TAX1BP1: variants seen among roughly 807,000 people sequenced by gnomAD.
TAX1BP1 encodes tax1-binding protein 1.
A neutral mutation model predicts 97.7 loss-of-function variants in TAX1BP1; 62 were observed. That is an observed-to-expected ratio of 0.63 (90% CI 0.52 to 0.78). The LOEUF is 0.78. Ranked by LOEUF, TAX1BP1 falls within the 30% of genes least tolerant of loss-of-function variation. The pLI, the probability that TAX1BP1 is intolerant of heterozygous loss-of-function variation, is 0.00. For synonymous variants in TAX1BP1, 340 were observed against 304.2 expected, an observed-to-expected ratio of 1.12 and a Z score of -1.23; for missense variants, 867 against 916.1, an observed-to-expected ratio of 0.95 and a Z score of 0.69.
chr7:27,828,587 A>G, intron 16 of TAX1BP1, 41 bp from the exon 17 acceptor site: 1 of 1,592,122 alleles, frequency 6.3e-7, no homozygotes, highest in East Asian at 2.2e-5. Context: ...GTTGTTCTAC[A>G]TTTATTAGAA....
At chr7:27,796,074 G>A (rs751778038) in intron 11 of TAX1BP1, 42 bp from the exon 12 acceptor site, 4 of 1,469,210 alleles carry the variant, frequency 2.7e-6, no homozygotes, top group Non-Finnish European at 3.8e-6. Context: ...AATATAAGGG[G>A]CAAAATACTT....
chr7:27,810,701 TCTAA>T (rs758336673), intron 13 of TAX1BP1, among the ~76,000 whole-genome samples: 5 of 152,128 alleles, frequency 3.3e-5, no homozygotes, highest in Non-Finnish European at 7.4e-5. Context: ...TATGTTGCTC[TCTAA>T]CTCCTGGGCT....
intron 13 of TAX1BP1, among the ~76,000 whole-genome samples, chr7:27,811,436 A>G (rs17155876): frequency 0.19 from 28,622 of 152,046 alleles, 2,956 homozygotes; most frequent in Admixed American, 0.25. Context: ...TACTTAGTCC[A>G]TTTATTGGAT....
intron 5 of TAX1BP1, among the ~76,000 whole-genome samples, chr7:27,773,356 T>C (rs998073144): frequency 6.6e-6 from 1 of 152,122 alleles, no homozygotes; most frequent in African/African-American, 2.4e-5. Flanking sequence ...TTAATGTATT[T>C]ACAAAATCAT....
intron 13 of TAX1BP1, among the ~76,000 whole-genome samples, chr7:27,812,778 G>A (rs1458129543): frequency 6.6e-6 from 1 of 152,032 alleles, no homozygotes; most frequent in Non-Finnish European, 1.5e-5. Context: ...TTTAAATGTT[G>A]AAAATACTCT....
intron 13 of TAX1BP1, chr7:27,803,290 T>C: frequency 4.7e-6 from 5 of 1,071,762 alleles, no homozygotes; most frequent in Non-Finnish European, 6.2e-6. Flanking sequence ...TGTTCAAATT[T>C]AGGAAAACAG....
chr7:27,791,111 A>G (rs750166156), intron 8 of TAX1BP1, among the ~76,000 whole-genome samples: 40 of 152,184 alleles, frequency 2.6e-4, no homozygotes, highest in Non-Finnish European at 4.6e-4. Context: ...CTCCTTTGAC[A>G]TATAGAAGTT....
intron 13 of TAX1BP1, among the ~76,000 whole-genome samples, chr7:27,801,103 C>CAA (rs747004641): frequency 2.0e-4 from 10 of 49,270 alleles, no homozygotes; most frequent in East Asian, 1.5e-3. Flanking sequence ...GACTCCGTCT[C>CAA]AAAAAAAAAA....
intron 2 of TAX1BP1, among the ~76,000 whole-genome samples, chr7:27,756,405 T>C (rs1554311835): frequency 6.6e-6 from 1 of 152,150 alleles, no homozygotes; most frequent in Non-Finnish European, 1.5e-5. Flanking sequence ...ATTTCTGACT[T>C]TTTACTCAGG....
Position 27,828,864 on chromosome 7 carries a change from T to TTAAAAA in TAX1BP1, c.*35_*36insTAAAAA. ...ATTATGAGTTAATATAGTTTAGCAG[T>TTAAAAA]AAAAAAAAAAAAAAAAACCACACCT... On this transcript the variant is annotated 3_prime_UTR_variant, in exon 17 of 17. Transcript: ENST00000396319. The TTAAAAA allele has an allele frequency of 1.0e-6, 1 of 988,538 alleles. No individual in the cohort carries two copies. The highest frequency in any genetic ancestry group is 1.4e-6 in the Non-Finnish European group (1 of 705,080). The allele number at this position is 988,538 out of a possible 1,614,324, so 61.2% of individuals were successfully genotyped here.
chr7:27,821,643 A>AAG (rs1490602800), intron 15 of TAX1BP1, among the ~76,000 whole-genome samples: 2 of 151,990 alleles, frequency 1.3e-5, no homozygotes, highest in Non-Finnish European at 2.9e-5. Context: ...TCAAAAAAAA[A>AAG]AAAAAAAGTA....
At chr7:27,794,234 A>G (rs2074580) in intron 10 of TAX1BP1, 89 bp from the exon 11 acceptor site, 248,439 of 1,147,740 alleles carry the variant, frequency 0.22, 28,149 homozygotes, top group Admixed American at 0.28. Flanking sequence ...CTAAAGTAAT[A>G]TGTAAAAATA....
chr7:27,759,289 A>T (rs1035960776), intron 3 of TAX1BP1, among the ~76,000 whole-genome samples: 1 of 152,154 alleles, frequency 6.6e-6, no homozygotes, highest in Non-Finnish European at 1.5e-5. Context: ...TGTTAACAAG[A>T]TGTATTTTAT....
At chr7:27,819,052 G>A (rs1198891349) in intron 15 of TAX1BP1, among the ~76,000 whole-genome samples, 1 of 152,068 alleles carries the variant, frequency 6.6e-6, no homozygotes, top group African/African-American at 2.4e-5. Context: ...TAAGTTACTG[G>A]AAATTGTGAC....
intron 13 of TAX1BP1, among the ~76,000 whole-genome samples, chr7:27,800,594 T>C (rs1415892240): frequency 6.6e-6 from 1 of 152,018 alleles, no homozygotes; most frequent in Non-Finnish European, 1.5e-5. Context: ...ATAAAAATAA[T>C]TATTTTAGGG....
At chr7:27,756,350 G>GT (rs1788214971) in intron 2 of TAX1BP1, among the ~76,000 whole-genome samples, 1 of 152,170 alleles carries the variant, frequency 6.6e-6, no homozygotes, top group South Asian at 2.1e-4. Flanking sequence ...CTATTGTTTA[G>GT]TTTTAGTTTT....
At chr7:27,766,085 G>A in intron 4 of TAX1BP1, 64 bp downstream of exon 4, 7 of 1,500,110 alleles carry the variant, frequency 4.7e-6, no homozygotes, top group Non-Finnish European at 4.5e-6. Flanking sequence ...ATGTTGGTTG[G>A]CATTTTAAGA....
chr7:27,827,604 A>G (rs1331743785), intron 15 of TAX1BP1, 134 bp from the exon 16 acceptor site: 1 of 651,614 alleles, frequency 1.5e-6, no homozygotes, highest in African/African-American at 1.8e-5. Flanking sequence ...TTGAAAGTCT[A>G]ATTAAATGAT....
intron 1 of TAX1BP1, among the ~76,000 whole-genome samples, chr7:27,742,097 A>G (rs1421105561): frequency 6.6e-6 from 1 of 152,144 alleles, no homozygotes; most frequent in Non-Finnish European, 1.5e-5. Context: ...TTATACTGAG[A>G]CATTCCATGC....
Sources: gnomAD v4.1 joint callset for allele counts (sites outside exome capture counted in the v4.1 genomes callset) on GRCh38, gnomAD v4.1.1 for gene constraint, MANE v1.5 for transcripts, NCBI Gene and HGNC (gene_info 2026-07-23, HGNC 2026-07-21) for gene names.